UBE2G1: variants seen among roughly 807,000 people sequenced by gnomAD.
UBE2G1 encodes the protein ubiquitin conjugating enzyme E2 G1.
In UBE2G1, 5 loss-of-function variants were observed where a neutral mutation model predicts 22.7. The ratio of observed to expected loss-of-function variants is 0.22; its 90% CI spans 0.12 to 0.46. The LOEUF is 0.46. Among genes scored for constraint, UBE2G1 ranks in the 20% least tolerant of loss-of-function variants. The pLI is 0.99. For missense variants in UBE2G1, 88 were observed against 203.9 expected, an observed-to-expected ratio of 0.43 and a Z score of 3.46; for synonymous variants, 74 against 67.5, an observed-to-expected ratio of 1.10 and a Z score of -0.47.
intron 1 of UBE2G1, among the ~76,000 whole-genome samples, chr17:4,341,050 CA>C (rs71383550): frequency 0.33 from 28,608 of 86,318 alleles, 2,126 homozygotes; most frequent in African/African-American, 0.36. Flanking sequence ...AGTGTCTTTA[CA>C]AAAAAAAAAA....
chr17:4,315,092 C>T (rs1969350511), intron 1 of UBE2G1, among the ~76,000 whole-genome samples: 1 of 152,004 alleles, frequency 6.6e-6, no homozygotes, highest in African/African-American at 2.4e-5. Flanking sequence ...GAGATACATA[C>T]TGAAATATTT....
In UBE2G1 at chr17:4,272,494, T is replaced by C. The variant is rs1968772892; in HGVS notation, c.*60A>G. ...GGTGGGTAGAGTGCAGGAAAAACAG[T>C]GCCATGTTTCTCAATTGGAGACCTA... On this transcript the variant is annotated 3_prime_UTR_variant, in exon 6 of 6. Transcript: ENST00000396981. 5.4e-6 allele frequency: 1 copy of C among 186,608 alleles called. No homozygotes were observed. The highest frequency in any genetic ancestry group is 1.1e-5 in the Non-Finnish European group (1 of 88,786). 11.6% of individuals were successfully genotyped at this position (186,608 alleles called of 1,614,324 possible).
intron 1 of UBE2G1, among the ~76,000 whole-genome samples, chr17:4,346,198 A>C (rs1255467678): frequency 6.6e-6 from 1 of 152,178 alleles, no homozygotes; most frequent in East Asian, 1.9e-4. Context: ...AATAAACATC[A>C]AATGTTAGTA....
intron 1 of UBE2G1, among the ~76,000 whole-genome samples, chr17:4,336,111 C>T (rs2143786940): frequency 6.6e-6 from 1 of 152,236 alleles, no homozygotes; most frequent in Non-Finnish European, 1.5e-5. Flanking sequence ...CATGCCACTG[C>T]ACTCCAGCCT....
intron 3 of UBE2G1, among the ~76,000 whole-genome samples, chr17:4,290,645 T>C (rs1269695595): frequency 3.8e-5 from 1 of 26,324 alleles, no homozygotes; most frequent in African/African-American, 5.0e-5. Context: ...CTAACCTGAC[T>C]TTTTTTTTTT....
chr17:4,339,965 C>T (rs1019744350), intron 1 of UBE2G1, among the ~76,000 whole-genome samples: 1 of 152,164 alleles, frequency 6.6e-6, no homozygotes, highest in Non-Finnish European at 1.5e-5. Context: ...TTCTCTCAGC[C>T]TGGGGCTGCA....
At chr17:4,331,029 C>A (rs1272633426) in intron 1 of UBE2G1, among the ~76,000 whole-genome samples, 1 of 143,304 alleles carries the variant, frequency 7.0e-6, no homozygotes, top group African/African-American at 2.8e-5. Flanking sequence ...TCAAGGTGTT[C>A]ACCTTTCTTG....
At chr17:4,330,715 CAA>C in intron 1 of UBE2G1, among the ~76,000 whole-genome samples, 1 of 139,644 alleles carries the variant, frequency 7.2e-6, no homozygotes, top group Admixed American at 7.2e-5. Context: ...CCAGCCTGGA[CAA>C]CAAGAGTGAA....
chr17:4,361,627 C>A (rs1371894676), intron 1 of UBE2G1, among the ~76,000 whole-genome samples: 1 of 152,120 alleles, frequency 6.6e-6, no homozygotes, highest in East Asian at 1.9e-4. Context: ...AACATACATA[C>A]AAGAACCTCT....
chr17:4,317,693 A>G (rs1310415811), intron 1 of UBE2G1, among the ~76,000 whole-genome samples: 1 of 152,230 alleles, frequency 6.6e-6, no homozygotes, highest in Non-Finnish European at 1.5e-5. Context: ...CATTCCTAAA[A>G]TAACACTTAC....
At chr17:4,356,806 T>A (rs951541808) in intron 1 of UBE2G1, among the ~76,000 whole-genome samples, 6 of 152,244 alleles carry the variant, frequency 3.9e-5, no homozygotes, top group African/African-American at 1.4e-4. Context: ...AGAGCAACCA[T>A]GTAGTTGTAT....
At chr17:4,314,435 A>G (rs981001753) in intron 1 of UBE2G1, among the ~76,000 whole-genome samples, 3 of 152,224 alleles carry the variant, frequency 2.0e-5, no homozygotes, top group African/African-American at 7.2e-5. Context: ...TGTGAAATCA[A>G]AAACAAGAAA....
chr17:4,286,337 G>A (rs1191842592), intron 4 of UBE2G1, among the ~76,000 whole-genome samples: 1 of 151,550 alleles, frequency 6.6e-6, no homozygotes, highest in Non-Finnish European at 1.5e-5. Flanking sequence ...CCCGGGAGGT[G>A]GAGGTTGCAG....
At chr17:4,302,847 G>C (rs1969201025) in intron 2 of UBE2G1, 1 of 169,380 alleles carries the variant, frequency 5.9e-6, no homozygotes, top group Non-Finnish European at 1.3e-5. Context: ...ATTTCAAAGT[G>C]TATTTGTGAG....
At chr17:4,277,160 A>C (rs1225978926) in intron 5 of UBE2G1, among the ~76,000 whole-genome samples, 1 of 152,194 alleles carries the variant, frequency 6.6e-6, no homozygotes, top group African/African-American at 2.4e-5. Flanking sequence ...GGTCTTCAGT[A>C]GACAGAACTG....
intron 1 of UBE2G1, among the ~76,000 whole-genome samples, chr17:4,349,435 C>T (rs1969817944): frequency 1.3e-5 from 2 of 152,074 alleles, no homozygotes. Flanking sequence ...TCACACAACA[C>T]CAGAACTTAA....
chr17:4,312,370 A>G (rs934992444), intron 1 of UBE2G1, among the ~76,000 whole-genome samples: 1 of 152,176 alleles, frequency 6.6e-6, no homozygotes, highest in African/African-American at 2.4e-5. Context: ...ATGTAACCGA[A>G]TGAATTCTAG....
intron 4 of UBE2G1, among the ~76,000 whole-genome samples, chr17:4,288,503 G>A (rs915895462): frequency 1.3e-5 from 2 of 152,160 alleles, no homozygotes; most frequent in African/African-American, 4.8e-5. Flanking sequence ...TGGGATTACA[G>A]TTGTGAGCCA....
At chr17:4,290,251 T>C (rs1243947553) in intron 3 of UBE2G1, among the ~76,000 whole-genome samples, 1 of 152,184 alleles carries the variant, frequency 6.6e-6, no homozygotes, top group African/African-American at 2.4e-5. Context: ...AGAAAGGAAT[T>C]TGAGTAGTGA....
Sources: gnomAD v4.1 joint callset for allele counts (sites outside exome capture counted in the v4.1 genomes callset) on GRCh38, gnomAD v4.1.1 for gene constraint, MANE v1.5 for transcripts, NCBI Gene and HGNC (gene_info 2026-07-23, HGNC 2026-07-21) for gene names.